EXOC2: variants seen among roughly 807,000 people sequenced by gnomAD.
EXOC2 encodes the protein exocyst complex component 2.
In EXOC2, 70 loss-of-function variants were observed where a neutral mutation model predicts 131.8. The ratio of observed to expected loss-of-function variants is 0.53; its 90% CI spans 0.44 to 0.65. The LOEUF (loss-of-function observed/expected upper bound fraction) is 0.65, where lower values mean the gene tolerates loss of function less well. Ranked by LOEUF, EXOC2 falls within the 30% of genes least tolerant of loss-of-function variation. The pLI, the probability that EXOC2 is intolerant of heterozygous loss-of-function variation, is 0.00. For synonymous variants in EXOC2, 411 were observed against 398.4 expected (o/e 1.03, Z -0.38); for missense variants, 923 against 1,108.6 (o/e 0.83, Z 2.38).
intron 20 of EXOC2, among the ~76,000 whole-genome samples, chr6:554,697 C>A (rs531077363): frequency 6.7e-6 from 1 of 150,108 alleles, no homozygotes; most frequent in South Asian, 2.1e-4. Flanking sequence ...GTTACACATG[C>A]CAAGTATAAT....
intron 1 of EXOC2, among the ~76,000 whole-genome samples, chr6:663,582 A>C (rs1763510601): frequency 6.6e-6 from 1 of 152,228 alleles, no homozygotes; most frequent in African/African-American, 2.4e-5. Context: ...CAAAAAGATA[A>C]TCCACCATGA....
At chr6:541,916 T>C (rs2127555225) in intron 22 of EXOC2, among the ~76,000 whole-genome samples, 1 of 152,316 alleles carries the variant, frequency 6.6e-6, no homozygotes, top group Middle Eastern at 3.4e-3. Context: ...GAAAAAGGAA[T>C]ATATTCTTTA....
chr6:489,824 A>G (rs1357640606), intron 26 of EXOC2, among the ~76,000 whole-genome samples: 1 of 152,200 alleles, frequency 6.6e-6, no homozygotes, highest in Admixed American at 6.5e-5. Flanking sequence ...TCTACCAGGA[A>G]ATACGTTTTT....
intron 23 of EXOC2, among the ~76,000 whole-genome samples, chr6:513,922 A>C (rs1218099813): frequency 4.6e-5 from 7 of 152,226 alleles, no homozygotes; most frequent in Non-Finnish European, 7.3e-5. Context: ...ATCTAGCCAC[A>C]AACTGAGCTT....
intron 23 of EXOC2, among the ~76,000 whole-genome samples, chr6:500,179 A>T (rs1160177773): frequency 6.6e-6 from 1 of 152,224 alleles, no homozygotes; most frequent in Non-Finnish European, 1.5e-5. Context: ...TGCACATTAA[A>T]TATCAATTAT....
In EXOC2 at chr6:592,430, T is replaced by A. The variant is rs769026545; in HGVS notation, c.1192+39A>T. 2.0e-6 allele frequency: 3 copies of A among 1,529,488 alleles called. No homozygotes were observed. In the African/African-American group the frequency reaches 4.1e-5, roughly 21 times the overall value. 94.7% of individuals were successfully genotyped at this position (1,529,488 alleles called of 1,614,324 possible). On this transcript the variant is annotated intron_variant, in intron 11 of 27. Coordinates refer to ENST00000230449, the MANE Select transcript of EXOC2 (RefSeq NM_018303.6). Reference sequence around the variant, plus strand: ...ATTCCCAGAATGCATCAAAATGACATGAAGGAATCACACAACACATTGGAA... The same window carrying A: ...ATTCCCAGAATGCATCAAAATGACAAGAAGGAATCACACAACACATTGGAA...
At chr6:664,143 C>T (rs1229311131) in intron 1 of EXOC2, among the ~76,000 whole-genome samples, 1 of 152,140 alleles carries the variant, frequency 6.6e-6, no homozygotes, top group Admixed American at 6.5e-5. Context: ...GCGAAAGCAA[C>T]CAAGTGGAGA....
chr6:606,772 A>C (rs1198179272), intron 7 of EXOC2, among the ~76,000 whole-genome samples: 1 of 152,328 alleles, frequency 6.6e-6, no homozygotes, highest in Admixed American at 6.5e-5. Context: ...TTGAGTCTCA[A>C]AGACAGGAGG....
intron 25 of EXOC2, among the ~76,000 whole-genome samples, chr6:495,707 CTT>C (rs1471299298): frequency 7.9e-5 from 12 of 152,262 alleles, no homozygotes; most frequent in Admixed American, 1.3e-4. Context: ...TAGAGTCAGT[CTT>C]TAATTTTTAT....
At chr6:538,266 A>C (rs369923358) in intron 22 of EXOC2, among the ~76,000 whole-genome samples, 4 of 152,226 alleles carry the variant, frequency 2.6e-5, no homozygotes, top group African/African-American at 9.6e-5. Flanking sequence ...AAGCAAATAC[A>C]TAATAAATGC....
chr6:578,988 C>T (rs546380987), intron 11 of EXOC2, among the ~76,000 whole-genome samples: 1 of 151,910 alleles, frequency 6.6e-6, no homozygotes, highest in East Asian at 1.9e-4. Flanking sequence ...CCAAACTTAG[C>T]GTCACATTAA....
chr6:495,508 C>T (rs773027545), intron 25 of EXOC2, among the ~76,000 whole-genome samples: 16 of 152,262 alleles, frequency 1.1e-4, no homozygotes, highest in East Asian at 3.9e-4. Flanking sequence ...ACAACATATA[C>T]GAAACTGAAA....
intron 17 of EXOC2, among the ~76,000 whole-genome samples, chr6:557,423 T>G (rs527704658): frequency 3.3e-5 from 5 of 152,060 alleles, no homozygotes; most frequent in Admixed American, 6.5e-5. Flanking sequence ...ATTGAGACCG[T>G]CCTGGCCAAC....
At position 572,382 on chromosome 6, in the gene EXOC2, C is replaced by T. The variant is rs369236771; in HGVS notation, c.1443+138G>A. On this transcript the variant is annotated intron_variant, in intron 13 of 27. Coordinates refer to ENST00000230449, the MANE Select transcript of EXOC2 (RefSeq NM_018303.6). ...TACTAAGTGAGAGGGCTTTATAATG[C>T]TTTAACTGATTTTAAACTATGACGA... 2.9e-5 allele frequency: 33 copies of T among 1,120,072 alleles called. No individual in the cohort carries two copies. The East Asian group carries it at 5.1e-4, about 17-fold the overall frequency. 69.4% of individuals were successfully genotyped at this position (1,120,072 alleles called of 1,614,324 possible).
At chr6:628,978 T>G (rs1427772038) in intron 4 of EXOC2, among the ~76,000 whole-genome samples, 1 of 152,140 alleles carries the variant, frequency 6.6e-6, no homozygotes, top group African/African-American at 2.4e-5. Flanking sequence ...CGTGCTACTT[T>G]CCCAAGACAA....
chr6:556,039 T>C (rs375303366), intron 18 of EXOC2, 26 bp from the exon 19 acceptor site: 68 of 1,608,392 alleles, frequency 4.2e-5, no homozygotes, highest in Non-Finnish European at 5.3e-5. Context: ...TTGATGAAAA[T>C]TTTTGGACTT....
rs1561954531 is a variant in EXOC2, at chr6:636,813, C to CA, written c.118+887_118+888insT. 3.9e-5 allele frequency among the ~76,000 whole-genome samples: 6 copies of CA among 152,196 alleles called. No individual in the cohort carries two copies. The East Asian group carries it at 1.2e-3, about 29-fold the overall frequency. On this transcript the variant is annotated intron_variant, in intron 2 of 27. Coordinates refer to ENST00000230449, the MANE Select transcript of EXOC2 (RefSeq NM_018303.6). ...CCTGAGCAGTTCACAGGCAAGTAAT[C>CA]GTAACTGGCCATAAAATTATACTTA...
At chr6:534,528 G>A (rs542187393) in intron 22 of EXOC2, among the ~76,000 whole-genome samples, 5 of 152,292 alleles carry the variant, frequency 3.3e-5, no homozygotes, top group Admixed American at 2.6e-4. Flanking sequence ...GAACTGGTCT[G>A]ACGTCAGATT....
chr6:510,499 A>G (rs1425167837), intron 23 of EXOC2, among the ~76,000 whole-genome samples: 1 of 152,208 alleles, frequency 6.6e-6, no homozygotes, highest in African/African-American at 2.4e-5. Flanking sequence ...TAACAGTGAA[A>G]TGGTTACATG....
Sources: allele counts gnomAD v4.1 joint callset (sites outside exome capture counted in the v4.1 genomes callset), GRCh38; gene constraint gnomAD v4.1.1; transcripts MANE v1.5; gene names NCBI Gene and HGNC (gene_info 2026-07-23, HGNC 2026-07-21).